The following TRIM37 variants were observed in gnomAD, a reference collection of about 807,000 sequenced individuals.
TRIM37 encodes the protein tripartite motif containing 37, also known as E3 ubiquitin-protein ligase TRIM37.
TRIM37 carries 80 observed loss-of-function variants against 129.8 expected under a neutral mutation model. The observed-to-expected ratio is 0.62, with a 90% CI of 0.51 to 0.74. The LOEUF is 0.74. Among genes scored for constraint, TRIM37 ranks in the 30% least tolerant of loss-of-function variants. TRIM37 has a pLI of 0.00. For synonymous variants in TRIM37, 389 were observed against 387.1 expected, an observed-to-expected ratio of 1.00 and a Z score of -0.06; for missense variants, 1,054 against 1,176.5, an observed-to-expected ratio of 0.90 and a Z score of 1.52.
chr17:58,972,779 T>C, the TRIM37 span: 1 of 1,455,500 alleles, frequency 6.9e-7, no homozygotes, highest in Non-Finnish European at 9.6e-7. Flanking sequence ...TTAAAGTAAA[T>C]GAATAAATCC....
chr17:59,025,812 A>C (rs2037189519), intron 19 of TRIM37, among the ~76,000 whole-genome samples: 1 of 152,200 alleles, frequency 6.6e-6, no homozygotes, highest in Non-Finnish European at 1.5e-5. Context: ...AAGTCCACCC[A>C]AAAAGCTGTA....
In TRIM37 at chr17:59,042,430, TTAA is replaced by T. The variant is rs1261648564; in HGVS notation, c.1668-535_1668-533del. ...TTAGAAAGCTAAGAAAAAAAGGAATTTAAAAAAAAAAAAAAAAAAATATATATA... is the reference window on the plus strand; with the variant it reads ...TTAGAAAGCTAAGAAAAAAAGGAATTAAAAAAAAAAAAAAAAATATATATA... On this transcript the variant is annotated intron_variant, in intron 16 of 23. Coordinates refer to ENST00000262294, the MANE Select transcript of TRIM37 (RefSeq NM_015294.6). Among the ~76,000 whole-genome samples the T allele has an allele frequency of 2.9e-3, 271 of 91,996 alleles. 6 individuals are homozygous for T. Among genetic ancestry groups the T allele is most frequent in the Non-Finnish European group, 4.0e-3 (206 of 51,292 alleles). 60.4% of individuals were successfully genotyped at this position (91,996 alleles called of 152,430 possible).
downstream of TRIM37, among the ~76,000 whole-genome samples, chr17:58,993,615 T>C (rs2032670803): frequency 6.6e-6 from 1 of 152,116 alleles, no homozygotes; most frequent in South Asian, 2.1e-4. Context: ...AGATCAGCGG[T>C]AGCCAGGAGC....
At chr17:59,094,540 A>C (rs1464520619) in intron 2 of TRIM37, among the ~76,000 whole-genome samples, 1 of 152,166 alleles carries the variant, frequency 6.6e-6, no homozygotes, top group Non-Finnish European at 1.5e-5. Flanking sequence ...GAATCAACAT[A>C]TCTACCCTGC....
chr17:59,014,267 G>A (rs938212763), intron 21 of TRIM37, among the ~76,000 whole-genome samples: 1 of 152,116 alleles, frequency 6.6e-6, no homozygotes, highest in Non-Finnish European at 1.5e-5. Context: ...AACTTAAAGG[G>A]TGTTAATCTT....
rs779874648 is a variant in TRIM37 at position 59,028,511 on chromosome 17, G to A, written c.2161C>T (p.Leu721=). The A allele has an allele frequency of 6.2e-7, 1 of 1,614,034 alleles. No individual in the cohort carries two copies. The highest frequency in any genetic ancestry group is 8.5e-7 in the Non-Finnish European group (1 of 1,180,008). The change falls in exon 19 of 24, where the codon CTG becomes TTG. Residue 721 remains leucine (L), a synonymous_variant. Coordinates refer to ENST00000262294, the MANE Select transcript of TRIM37 (RefSeq NM_015294.6). ...TSLFSADQAA[L]AACGTENSGR... is the part of the protein sequence containing the mutation. Reference sequence around the variant, plus strand: ...GAGTTTTCAGTTCCACATGCAGCCAGAGCTGCCTGGTCAGCAGAAAAAAGG... The same window carrying A: ...GAGTTTTCAGTTCCACATGCAGCCAAAGCTGCCTGGTCAGCAGAAAAAAGG...
intron 16 of TRIM37, among the ~76,000 whole-genome samples, chr17:59,042,441 A>ATATATATATATATAT (rs1555661491): frequency 2.5e-4 from 21 of 84,422 alleles, no homozygotes; most frequent in Admixed American, 4.0e-4. Flanking sequence ...TAAAAAAAAA[A>ATATATATATATATAT]AAAAAAAAAT....
chr17:59,084,634 T>C (rs1169369895), intron 4 of TRIM37, among the ~76,000 whole-genome samples: 1 of 152,158 alleles, frequency 6.6e-6, no homozygotes, highest in African/African-American at 2.4e-5. Flanking sequence ...ATTAACTATG[T>C]CCCCCCTCAA....
intron 10 of TRIM37, among the ~76,000 whole-genome samples, chr17:59,062,953 G>T (rs2041622642): frequency 6.6e-6 from 1 of 152,102 alleles, no homozygotes; most frequent in Admixed American, 6.6e-5. Flanking sequence ...ATTAATTAAT[G>T]CTTCAACAAG....
intron 21 of TRIM37, among the ~76,000 whole-genome samples, chr17:59,013,144 T>C (rs987075902): frequency 6.6e-6 from 1 of 152,114 alleles, no homozygotes; most frequent in African/African-American, 2.4e-5. Context: ...TTGAGATATA[T>C]TATTATTGCT....
At chr17:58,983,886 C>A (rs571877087) in intron 24 of TRIM37, 4 of 152,730 alleles carry the variant, frequency 2.6e-5, no homozygotes, top group African/African-American at 9.6e-5. Flanking sequence ...AGGTCACCAA[C>A]TGAAGTCATT....
intron 19 of TRIM37, among the ~76,000 whole-genome samples, chr17:59,022,180 C>T (rs759861151): frequency 1.7e-4 from 26 of 151,926 alleles, no homozygotes; most frequent in Non-Finnish European, 3.1e-4. Context: ...TGAAATAGAT[C>T]GATTTCACTT....
intron 15 of TRIM37, among the ~76,000 whole-genome samples, chr17:59,048,976 TG>T (rs1177662342): frequency 1.3e-5 from 2 of 152,264 alleles, no homozygotes; most frequent in African/African-American, 2.4e-5. Context: ...TACAATGTAT[TG>T]TTTTTTTCAC....
chr17:59,088,600 T>C (rs1299185779), intron 3 of TRIM37, among the ~76,000 whole-genome samples, 193 bp from the exon 4 acceptor site: 5 of 151,990 alleles, frequency 3.3e-5, no homozygotes. Context: ...CACTGTAGCC[T>C]TGACCTCCTA....
chr17:59,106,300 G>A, intron 1 of TRIM37, 141 bp downstream of exon 1: 1 of 972,084 alleles, frequency 1.0e-6, no homozygotes, highest in Admixed American at 2.1e-5. Context: ...GGCATCCTTG[G>A]TACCGGGCCA....
chr17:58,999,335 A>AGGGT lies in TRIM37; in HGVS notation c.*38_*41dup. On this transcript the variant is annotated 3_prime_UTR_variant, in exon 24 of 24. Coordinates refer to ENST00000262294, the MANE Select transcript of TRIM37 (RefSeq NM_015294.6). ...TTGAGCACCAACTACAGCAAAATTC[A>AGGGT]GGGTCAAGGTAGCTTGCAAGTCAGT... 6.2e-7 allele frequency: 1 copy of AGGGT among 1,613,518 alleles called. No individual in the cohort carries two copies. The highest frequency in any genetic ancestry group is 8.5e-7 in the Non-Finnish European group (1 of 1,179,692).
downstream of TRIM37, chr17:58,982,632 C>G (rs1267422694): frequency 4.8e-6 from 2 of 417,232 alleles, no homozygotes; most frequent in Non-Finnish European, 8.6e-6. Flanking sequence ...ACAAAAACAG[C>G]TTCACTTTAG....
At position 58,991,112 on chromosome 17, in the gene TRIM37, T is replaced by C. The variant is rs140706812; in HGVS notation, c.2892-8191A>G. Among the ~76,000 whole-genome samples, 709 of 147,132 alleles carry C rather than the reference T, an allele frequency of 4.8e-3. 15 individuals are homozygous for C. The highest frequency in any genetic ancestry group is 0.017 in the African/African-American group (670 of 39,800). On this transcript the variant is annotated intron_variant, in intron 24 of 24. Coordinates refer to the TRIM37 transcript ENST00000393066. ...ATCATTTAAACCCAGGAGGCGGAGG[T>C]TGCAGTGAGCTGAGATCGCAGTATT...
intron 12 of TRIM37, among the ~76,000 whole-genome samples, chr17:59,058,783 G>A (rs2041208089): frequency 6.6e-6 from 1 of 152,112 alleles, no homozygotes; most frequent in Non-Finnish European, 1.5e-5. Context: ...AGGATCACCT[G>A]GGCCCAGGAG....
Sources: allele counts gnomAD v4.1 joint callset (sites outside exome capture counted in the v4.1 genomes callset), GRCh38; gene constraint gnomAD v4.1.1; transcripts MANE v1.5; gene names NCBI Gene and HGNC (gene_info 2026-07-23, HGNC 2026-07-21).